Variants in DRC9 observed in about 807,000 individuals in gnomAD.
DRC9 encodes the protein dynein regulatory complex subunit 9.
chr3:197,903,384 C>A, the DRC9 span, among the ~76,000 whole-genome samples: 1 of 152,170 alleles, frequency 6.6e-6, no homozygotes, highest in East Asian at 1.9e-4. Flanking sequence ...TGGTGGCTCA[C>A]ACCTGTAATC....
At chr3:197,950,034 T>A in the DRC9 span, 19 of 941,268 alleles carry the variant, frequency 2.0e-5, no homozygotes, top group Non-Finnish European at 2.5e-5. Flanking sequence ...TGAAAGGACT[T>A]AGGAAAATAA....
chr3:197,951,206 A>G, the DRC9 span: 1 of 1,614,218 alleles, frequency 6.2e-7, no homozygotes, highest in Admixed American at 1.7e-5. Context: ...GGTCTCCGGA[A>G]CCAAAGGGAG....
the DRC9 span, chr3:197,906,629 G>A: frequency 6.6e-6 from 1 of 152,148 alleles, no homozygotes; most frequent in East Asian, 1.9e-4. Context: ...ATCTCAGAAG[G>A]CCTGGGTAGT....
chr3:197,942,557 T>C, the DRC9 span, among the ~76,000 whole-genome samples: 53,222 of 151,512 alleles, frequency 0.35, 13,693 homozygotes, highest in African/African-American at 0.74. Context: ...ACAAACAAAA[T>C]GAAAAAAAAA....
the DRC9 span, chr3:197,958,958 A>G: frequency 6.6e-6 from 1 of 152,428 alleles, no homozygotes; most frequent in Non-Finnish European, 1.5e-5. Context: ...TGTAATCCCA[A>G]CACTTTGGGA....
the DRC9 span, chr3:197,954,075 A>G: frequency 1.2e-6 from 2 of 1,614,192 alleles, no homozygotes; most frequent in Admixed American, 1.7e-5. Flanking sequence ...GGGCCCATGG[A>G]AACAGTGGCA....
At chr3:197,910,825 C>T in the DRC9 span, among the ~76,000 whole-genome samples, 6 of 151,750 alleles carry the variant, frequency 4.0e-5, no homozygotes, top group South Asian at 1.2e-3. Context: ...ACTAAAAATA[C>T]AAAAATTAGC....
At chr3:197,920,561 T>C in the DRC9 span, among the ~76,000 whole-genome samples, 2 of 152,190 alleles carry the variant, frequency 1.3e-5, no homozygotes, top group Non-Finnish European at 2.9e-5. Flanking sequence ...ACTCCGTCTC[T>C]ACTAAAAACA....
At chr3:197,926,043 TC>T in the DRC9 span, 1 of 1,585,632 alleles carries the variant, frequency 6.3e-7, no homozygotes, top group South Asian at 1.1e-5. Flanking sequence ...AAATTGCCAT[TC>T]CTTTTTGACA....
the DRC9 span, among the ~76,000 whole-genome samples, chr3:197,946,414 G>T: frequency 2.3e-5 from 3 of 129,148 alleles, no homozygotes; most frequent in Non-Finnish European, 3.1e-5. Flanking sequence ...CAGCCTGGGC[G>T]ACAGAGCGAG....
At chr3:197,954,477 G>T in the DRC9 span, 1 of 383,254 alleles carries the variant, frequency 2.6e-6, no homozygotes, top group Non-Finnish European at 4.9e-6. Context: ...GGGACCATAG[G>T]CGTGTGCCAC....
the DRC9 span, chr3:197,889,412 A>T: frequency 1.3e-6 from 1 of 759,420 alleles, no homozygotes; most frequent in Non-Finnish European, 2.2e-6. Context: ...AACCCACCTA[A>T]CAGGCAGAGT....
chr3:197,934,183 C>CTT, the DRC9 span, among the ~76,000 whole-genome samples: 6 of 99,500 alleles, frequency 6.0e-5, no homozygotes, highest in East Asian at 2.8e-4. Context: ...CATTCTGGGT[C>CTT]TTTTTTTTTT....
chr3:197,904,236 C>T, the DRC9 span, among the ~76,000 whole-genome samples: 91 of 151,556 alleles, frequency 6.0e-4, no homozygotes, highest in Non-Finnish European at 1.0e-3. Flanking sequence ...ATCAAAACTA[C>T]GAGACATCAT....
chr3:197,910,708 G>A, the DRC9 span, among the ~76,000 whole-genome samples: 2 of 152,220 alleles, frequency 1.3e-5, no homozygotes, highest in Admixed American at 6.5e-5. Flanking sequence ...GGCTGGGCAC[G>A]GTGGCTCACG....
chr3:197,904,098 ATATATATATATATTTT>A, the DRC9 span, among the ~76,000 whole-genome samples: 1 of 46,908 alleles, frequency 2.1e-5, no homozygotes, highest in African/African-American at 7.4e-5. Flanking sequence ...ATATATATAT[ATATATATATATATTTT>A]TTTTTTTAAA....
At chr3:197,897,417 T>A in the DRC9 span, among the ~76,000 whole-genome samples, 5 of 152,200 alleles carry the variant, frequency 3.3e-5, no homozygotes, top group Non-Finnish European at 5.9e-5. Context: ...TTTTTGGTTC[T>A]GTTTATTTAT....
the DRC9 span, among the ~76,000 whole-genome samples, chr3:197,933,071 T>TATATATATGTATATATAA: frequency 7.1e-6 from 1 of 140,732 alleles, no homozygotes. Context: ...ATTATACATA[T>TATATATATGTATATATAA]ATATATAAAA....
At chr3:197,953,521 T>A in the DRC9 span, 1 of 457,088 alleles carries the variant, frequency 2.2e-6, no homozygotes, top group African/African-American at 2.0e-5. Context: ...TCAGTCTTTC[T>A]TCCGGCCAGG....
Sources: allele counts gnomAD v4.1 joint callset (sites outside exome capture counted in the v4.1 genomes callset), GRCh38; gene constraint gnomAD v4.1.1; transcripts MANE v1.5; gene names NCBI Gene and HGNC (gene_info 2026-07-23, HGNC 2026-07-21).